PRKG1: variants seen among roughly 807,000 people sequenced by gnomAD.
The protein encoded by PRKG1 is cGMP-dependent protein kinase 1.
In PRKG1, 35 loss-of-function variants were observed where a neutral mutation model predicts 88.1. The observed-to-expected ratio is 0.40, with a 90% CI of 0.30 to 0.53. The LOEUF (loss-of-function observed/expected upper bound fraction) is 0.53. PRKG1 is among the 20% of genes least tolerant of loss of function. The pLI is 0.59. For missense variants in PRKG1, 540 were observed against 839.8 expected, an observed-to-expected ratio of 0.64 and a Z score of 4.41; for synonymous variants, 303 against 292.5, an observed-to-expected ratio of 1.04 and a Z score of -0.37.
intron 1 of PRKG1, among the ~76,000 whole-genome samples, chr10:51,152,265 C>T (rs1846091033): frequency 6.6e-6 from 1 of 152,042 alleles, no homozygotes; most frequent in Admixed American, 6.6e-5. Flanking sequence ...ATGTTTCCTA[C>T]TGACTACCTG....
chr10:51,115,662 A>G (rs934475342), intron 1 of PRKG1, among the ~76,000 whole-genome samples: 1 of 151,152 alleles, frequency 6.6e-6, no homozygotes, highest in Non-Finnish European at 1.5e-5. Flanking sequence ...ACATGGTGAA[A>G]CCCCGTCTCT....
At chr10:51,175,689 T>C (rs1382707152) in intron 2 of PRKG1, among the ~76,000 whole-genome samples, 2 of 152,072 alleles carry the variant, frequency 1.3e-5, no homozygotes, top group African/African-American at 4.8e-5. Context: ...AATATATCAT[T>C]ATACTCTAGT....
intron 3 of PRKG1, among the ~76,000 whole-genome samples, chr10:51,756,774 C>T (rs1045599404): frequency 5.3e-5 from 8 of 151,756 alleles, no homozygotes; most frequent in African/African-American, 1.7e-4. Flanking sequence ...GAGATCGCGC[C>T]ACTGCACTCC....
intron 7 of PRKG1, among the ~76,000 whole-genome samples, chr10:52,132,904 G>A (rs1837305052): frequency 2.0e-5 from 3 of 152,048 alleles, no homozygotes; most frequent in Admixed American, 2.0e-4. Context: ...GCACACTGTG[G>A]AGAACGGGGT....
chr10:51,669,480 G>A (rs1047271945), intron 3 of PRKG1, among the ~76,000 whole-genome samples: 1 of 152,216 alleles, frequency 6.6e-6, no homozygotes, highest in Non-Finnish European at 1.5e-5. Flanking sequence ...GGGGAAGGGA[G>A]TGGGCACAAT....
intron 9 of PRKG1, among the ~76,000 whole-genome samples, chr10:52,191,547 A>G (rs1459788251): frequency 6.6e-6 from 1 of 152,122 alleles, no homozygotes; most frequent in Non-Finnish European, 1.5e-5. Flanking sequence ...TTAATCATCT[A>G]CGTTCCTCTT....
At chr10:51,715,511 T>A (rs1841864795) in intron 3 of PRKG1, among the ~76,000 whole-genome samples, 1 of 152,152 alleles carries the variant, frequency 6.6e-6, no homozygotes. Context: ...ATGATTACTA[T>A]GATTATATTC....
intron 2 of PRKG1, among the ~76,000 whole-genome samples, chr10:51,441,558 C>T (rs1452188776): frequency 1.3e-5 from 2 of 151,854 alleles, no homozygotes; most frequent in African/African-American, 2.4e-5. Context: ...AGTGACTTTG[C>T]CCTCCTGTGC....
Position 51,800,389 on chromosome 10 carries a change from A to T in PRKG1, c.593-4196A>T, listed in dbSNP as rs75277040. 6.9e-3 allele frequency among the ~76,000 whole-genome samples: 1,043 copies of T among 152,220 alleles called. 12 individuals carry two copies. Among genetic ancestry groups the T allele is most frequent in the African/African-American group, 0.024 (1,004 of 41,552 alleles). ...ATTGTGTAACTCGAAAATGCATTTA[A>T]ACACTCAACCTACCAAACATCATAG... is the stretch of plus-strand genomic sequence containing the variant. On this transcript the variant is annotated intron_variant, in intron 3 of 17. Transcript: ENST00000373980.
intron 2 of PRKG1, among the ~76,000 whole-genome samples, chr10:51,435,310 C>T (rs1450888954): frequency 6.6e-6 from 1 of 151,852 alleles, no homozygotes; most frequent in East Asian, 1.9e-4. Context: ...GGCTTTAAGA[C>T]AATATTGGCC....
chr10:51,296,568 A>G (rs902227568), intron 2 of PRKG1, among the ~76,000 whole-genome samples: 1 of 151,696 alleles, frequency 6.6e-6, no homozygotes, highest in Non-Finnish European at 1.5e-5. Context: ...AGTCTTCTCC[A>G]TTTTTTCTTA....
chr10:51,103,458 G>A (rs1844736425), intron 1 of PRKG1, among the ~76,000 whole-genome samples: 1 of 152,148 alleles, frequency 6.6e-6, no homozygotes, highest in Non-Finnish European at 1.5e-5. Context: ...AAATTCTCAA[G>A]AAAAATGAAT....
At chr10:51,232,714 G>A (rs1838877489) in intron 2 of PRKG1, among the ~76,000 whole-genome samples, 1 of 152,116 alleles carries the variant, frequency 6.6e-6, no homozygotes. Flanking sequence ...TGGAATATAT[G>A]ACATTATGTT....
At chr10:51,031,751 G>A (rs1843286844) in intron 1 of PRKG1, among the ~76,000 whole-genome samples, 1 of 152,118 alleles carries the variant, frequency 6.6e-6, no homozygotes. Flanking sequence ...TCCACCTGAT[G>A]CCTTCCCATG....
chr10:52,196,308 G>C (rs1443644565), intron 9 of PRKG1, among the ~76,000 whole-genome samples: 2 of 152,096 alleles, frequency 1.3e-5, no homozygotes, highest in African/African-American at 4.8e-5. Context: ...GAGCCACCGC[G>C]CCAGGCCAAG....
At chr10:52,208,462 G>C (rs1479730114) in intron 9 of PRKG1, among the ~76,000 whole-genome samples, 2 of 152,040 alleles carry the variant, frequency 1.3e-5, no homozygotes, top group African/African-American at 4.8e-5. Flanking sequence ...GAAGTATTAT[G>C]GTAAAATGCT....
intron 2 of PRKG1, among the ~76,000 whole-genome samples, chr10:51,377,552 C>T (rs777612772): frequency 1.1e-4 from 16 of 151,814 alleles, no homozygotes; most frequent in Non-Finnish European, 1.9e-4. Flanking sequence ...AGCCATGAAG[C>T]GGGCACCTAT....
intron 3 of PRKG1, among the ~76,000 whole-genome samples, chr10:51,575,570 A>C (rs1837865922): frequency 6.6e-6 from 1 of 151,990 alleles, no homozygotes; most frequent in East Asian, 1.9e-4. Context: ...TATATAACTC[A>C]TTGTGATTAG....
At chr10:52,272,341 G>A in intron 11 of PRKG1, 51 bp from the exon 12 acceptor site, 5 of 1,427,710 alleles carry the variant, frequency 3.5e-6, no homozygotes, top group Non-Finnish European at 4.8e-6. Flanking sequence ...TTGCACACTT[G>A]TAAAAGACAG....
Sources: allele counts gnomAD v4.1 joint callset (sites outside exome capture counted in the v4.1 genomes callset), GRCh38; gene constraint gnomAD v4.1.1; transcripts MANE v1.5; gene names NCBI Gene and HGNC (gene_info 2026-07-23, HGNC 2026-07-21).